Variants in SPOCK1 observed in about 807,000 individuals in gnomAD.
SPOCK1 encodes SPARC (osteonectin), cwcv and kazal like domains proteoglycan 1.
SPOCK1 carries 23 observed loss-of-function variants against 55.3 expected under a neutral mutation model. The observed-to-expected ratio is 0.42, with a 90% CI of 0.30 to 0.59. The LOEUF (loss-of-function observed/expected upper bound fraction) is 0.59. Ranked by LOEUF, SPOCK1 falls within the 20% of genes least tolerant of loss-of-function variation. The probability of loss-of-function intolerance (pLI) is 0.22; values close to 1 mark genes in which losing one functional copy is unlikely to be tolerated. For synonymous variants in SPOCK1, 226 were observed against 221.0 expected (o/e 1.02, Z -0.20); for missense variants, 499 against 552.5 (o/e 0.90, Z 0.97).
intron 4 of SPOCK1, among the ~76,000 whole-genome samples, chr5:137,113,430 G>C (rs529419463): frequency 4.6e-5 from 7 of 152,166 alleles, no homozygotes; most frequent in Admixed American, 1.3e-4. Flanking sequence ...CATCAATCAG[G>C]CAATTACTGT....
chr5:137,247,801 TG>T (rs1315529523), intron 3 of SPOCK1, among the ~76,000 whole-genome samples: 1 of 152,192 alleles, frequency 6.6e-6, no homozygotes, highest in African/African-American at 2.4e-5. Context: ...GGGGGTGGCC[TG>T]GCTTCATAAC....
In SPOCK1 at chr5:137,244,012, G is replaced by A. The variant is rs140815624; in HGVS notation, c.232+22998C>T. 1.1e-3 allele frequency among the ~76,000 whole-genome samples: 171 copies of A among 152,282 alleles called. 4 individuals carry two copies. The Middle Eastern group carries it at 0.014, about 12-fold the overall frequency. On this transcript the variant is annotated intron_variant, in intron 3 of 10. Coordinates refer to ENST00000394945, the MANE Select transcript of SPOCK1 (RefSeq NM_004598.4). ...GCAATGGCCCTCTTTCCCAACAGTG[G>A]TGGCAGTCTCAGTAAATATTCCAGA...
chr5:137,468,312 T>C (rs943636584), intron 2 of SPOCK1, among the ~76,000 whole-genome samples: 2 of 152,198 alleles, frequency 1.3e-5, no homozygotes, highest in African/African-American at 4.8e-5. Context: ...ATTCCCGTGC[T>C]TAAAGGATAA....
At chr5:137,088,763 G>A (rs2348191) in intron 5 of SPOCK1, among the ~76,000 whole-genome samples, 2 of 152,166 alleles carry the variant, frequency 1.3e-5, no homozygotes, top group Non-Finnish European at 2.9e-5. Flanking sequence ...ATCCCATGGT[G>A]AACCATGGCA....
intron 3 of SPOCK1, among the ~76,000 whole-genome samples, chr5:137,222,673 T>C (rs1755877300): frequency 6.6e-6 from 1 of 152,170 alleles, no homozygotes; most frequent in African/African-American, 2.4e-5. Context: ...CATTTATGTG[T>C]GGGTTTAATC....
chr5:137,069,012 A>T (rs1360122042), intron 5 of SPOCK1, among the ~76,000 whole-genome samples: 1 of 152,224 alleles, frequency 6.6e-6, no homozygotes, highest in Non-Finnish European at 1.5e-5. Context: ...ATCAGGTGCC[A>T]TGGGGAATCT....
At chr5:137,437,705 G>T (rs1179722177) in intron 2 of SPOCK1, among the ~76,000 whole-genome samples, 1 of 152,112 alleles carries the variant, frequency 6.6e-6, no homozygotes, top group African/African-American at 2.4e-5. Flanking sequence ...GGGATATCTA[G>T]TACCTTATAT....
At chr5:137,347,762 C>A (rs1012652518) in intron 2 of SPOCK1, among the ~76,000 whole-genome samples, 18 of 151,946 alleles carry the variant, frequency 1.2e-4, no homozygotes, top group Non-Finnish European at 1.8e-4. Context: ...CAAAAAAAAA[C>A]CAGTCTCTTG....
intron 6 of SPOCK1, among the ~76,000 whole-genome samples, chr5:137,035,697 C>G (rs144601223): frequency 3.3e-5 from 5 of 152,286 alleles, no homozygotes; most frequent in Admixed American, 2.0e-4. Flanking sequence ...TCATAGCCAG[C>G]CTTTGCTGGG....
intron 5 of SPOCK1, among the ~76,000 whole-genome samples, chr5:137,098,815 A>T (rs1276544090): frequency 6.6e-6 from 1 of 152,038 alleles, no homozygotes; most frequent in Non-Finnish European, 1.5e-5. Context: ...TCTCCCTCCC[A>T]CCAAAGCAGA....
At chr5:137,247,758 G>A (rs1580827908) in intron 3 of SPOCK1, among the ~76,000 whole-genome samples, 1 of 152,214 alleles carries the variant, frequency 6.6e-6, no homozygotes, top group East Asian at 1.9e-4. Context: ...TGACATGGCA[G>A]AGGGGGTCTA....
At chr5:137,187,190 T>A (rs901783817) in intron 3 of SPOCK1, among the ~76,000 whole-genome samples, 2 of 152,168 alleles carry the variant, frequency 1.3e-5, no homozygotes, top group African/African-American at 4.8e-5. Flanking sequence ...AATACCAGCC[T>A]CATGCTGACG....
At chr5:137,115,202 G>A (rs1291883021) in intron 4 of SPOCK1, among the ~76,000 whole-genome samples, 2 of 152,090 alleles carry the variant, frequency 1.3e-5, no homozygotes, top group Admixed American at 6.5e-5. Flanking sequence ...GAGTCCCTAT[G>A]TGCTGACCAC....
intron 3 of SPOCK1, among the ~76,000 whole-genome samples, chr5:137,176,640 C>T (rs1308570306): frequency 6.6e-6 from 1 of 152,090 alleles, no homozygotes; most frequent in Non-Finnish European, 1.5e-5. Context: ...GTTAAGTCCT[C>T]AGAAAGATGA....
At chr5:137,086,486 T>C (rs1471752630) in intron 5 of SPOCK1, among the ~76,000 whole-genome samples, 1 of 152,138 alleles carries the variant, frequency 6.6e-6, no homozygotes, top group Non-Finnish European at 1.5e-5. Context: ...TTGTTTACTC[T>C]GAGTGTGGGC....
intron 6 of SPOCK1, among the ~76,000 whole-genome samples, chr5:137,067,406 A>G (rs1004654663): frequency 1.3e-5 from 2 of 152,190 alleles, no homozygotes; most frequent in African/African-American, 4.8e-5. Context: ...AAAGACTAAG[A>G]TGTACCCCAG....
chr5:137,441,639 A>C (rs1753010326), intron 2 of SPOCK1, among the ~76,000 whole-genome samples: 1 of 152,184 alleles, frequency 6.6e-6, no homozygotes, highest in Non-Finnish European at 1.5e-5. Flanking sequence ...CTTGGGTCCC[A>C]GTCACACAAG....
chr5:137,259,563 A>C (rs541634684), intron 3 of SPOCK1, among the ~76,000 whole-genome samples: 1 of 152,134 alleles, frequency 6.6e-6, no homozygotes, highest in Non-Finnish European at 1.5e-5. Flanking sequence ...GTTTGCAGCA[A>C]ACCATCATGG....
chr5:137,043,497 T>TTCTTTG (rs1752039918), intron 6 of SPOCK1, among the ~76,000 whole-genome samples: 2 of 152,032 alleles, frequency 1.3e-5, no homozygotes, highest in South Asian at 4.2e-4. Context: ...GTAAAATGAG[T>TTCTTTG]ACCTTTGCAG....
Sources: allele counts gnomAD v4.1 joint callset (sites outside exome capture counted in the v4.1 genomes callset), GRCh38; gene constraint gnomAD v4.1.1; transcripts MANE v1.5; gene names NCBI Gene and HGNC (gene_info 2026-07-23, HGNC 2026-07-21).